The following GRIN3A variants were observed in gnomAD, a reference collection of about 807,000 sequenced individuals.
The protein encoded by GRIN3A is glutamate ionotropic receptor NMDA type subunit 3A.
A neutral mutation model predicts 92.4 loss-of-function variants in GRIN3A; 47 were observed. That is an observed-to-expected ratio of 0.51 (90% CI 0.40 to 0.65). The LOEUF (loss-of-function observed/expected upper bound fraction) is 0.65, where lower values mean the gene tolerates loss of function less well. Ranked by LOEUF, GRIN3A falls within the 30% of genes least tolerant of loss-of-function variation. The pLI is 0.00. For synonymous variants in GRIN3A, 527 were observed against 540.6 expected (o/e 0.97, Z 0.35); for missense variants, 1,324 against 1,393.1 (o/e 0.95, Z 0.79).
chr9:101,669,989 C>T (rs886399474), intron 3 of GRIN3A, 71 bp downstream of exon 3: 2 of 1,162,364 alleles, frequency 1.7e-6, no homozygotes, highest in African/African-American at 3.0e-5. Flanking sequence ...CATGAGCATA[C>T]TACAGCAGAA....
intron 1 of GRIN3A, among the ~76,000 whole-genome samples, chr9:101,692,653 A>T (rs898837352): frequency 6.6e-6 from 1 of 152,174 alleles, no homozygotes; most frequent in African/African-American, 2.4e-5. Flanking sequence ...CCTTCCTTTC[A>T]TCCGTCTGCT....
chr9:101,736,205 C>G (rs2119050934), intron 1 of GRIN3A, among the ~76,000 whole-genome samples: 1 of 152,310 alleles, frequency 6.6e-6, no homozygotes, highest in Non-Finnish European at 1.5e-5. Flanking sequence ...AGTACACTGA[C>G]CAATGTTGAT....
intron 6 of GRIN3A, among the ~76,000 whole-genome samples, chr9:101,579,703 C>G (rs1827866366): frequency 6.6e-6 from 1 of 152,198 alleles, no homozygotes; most frequent in Non-Finnish European, 1.5e-5. Context: ...GGAGGTCTGT[C>G]ATGCCTCAGT....
At chr9:101,594,752 C>T (rs1436991419) in intron 6 of GRIN3A, 2 of 1,614,124 alleles carry the variant, frequency 1.2e-6, no homozygotes, top group East Asian at 2.2e-5. Context: ...GTCGATCACT[C>T]GCCGCACCAA....
intron 1 of GRIN3A, among the ~76,000 whole-genome samples, chr9:101,692,919 T>C (rs966261062): frequency 6.6e-6 from 1 of 152,142 alleles, no homozygotes; most frequent in Non-Finnish European, 1.5e-5. Context: ...GCCCAGAAAT[T>C]GTAATTTAAT....
intron 6 of GRIN3A, among the ~76,000 whole-genome samples, chr9:101,587,306 T>C (rs1238034879): frequency 2.3e-5 from 3 of 131,676 alleles, no homozygotes; most frequent in Non-Finnish European, 4.8e-5. Flanking sequence ...CGAGACTCCA[T>C]CTCAAAAAAA....
chr9:101,644,861 T>A (rs1487650088), intron 3 of GRIN3A, among the ~76,000 whole-genome samples: 1 of 151,908 alleles, frequency 6.6e-6, no homozygotes, highest in African/African-American at 2.4e-5. Flanking sequence ...ATGTCCCTTT[T>A]CCCTCTATTT....
intron 1 of GRIN3A, among the ~76,000 whole-genome samples, chr9:101,723,288 G>A (rs919812658): frequency 1.2e-4 from 18 of 151,996 alleles, no homozygotes; most frequent in African/African-American, 2.4e-4. Context: ...TCATGGTCTC[G>A]CTGGCTCGGG....
intron 6 of GRIN3A, among the ~76,000 whole-genome samples, chr9:101,602,662 T>C (rs1221791816): frequency 6.6e-6 from 1 of 152,222 alleles, no homozygotes; most frequent in Non-Finnish European, 1.5e-5. Context: ...TTGGGTGTAA[T>C]TTATGCCCAA....
At chr9:101,656,449 C>T (rs10819966) in intron 3 of GRIN3A, among the ~76,000 whole-genome samples, 82,542 of 151,446 alleles carry the variant, frequency 0.55, 22,509 homozygotes, top group African/African-American at 0.58. Flanking sequence ...AATTATTAGA[C>T]GTAGTCCTAG....
rs751042416 is a variant in GRIN3A, at chr9:101,686,841, A to G, written c.1059T>C (p.Arg353=). ...CATTCTGGGAATCTCCCAGCACCCA[A>G]CGAAGTTCAGGGGGCATGACCCCAA... ...TQFGVMPPEL[R]WVLGDSQNVE... is the part of the protein sequence containing the mutation. Residue 353 remains arginine (R), a synonymous_variant, in exon 2 of 9, where the codon CGT becomes CGC. Transcript: ENST00000361820. 9 of 1,614,162 alleles carry G rather than the reference A, an allele frequency of 5.6e-6. No individual in the cohort carries two copies. The highest frequency in any genetic ancestry group is 4.4e-5 in the South Asian group (4 of 91,080).
Position 101,613,487 on chromosome 9 carries a change from G to A in GRIN3A, c.2655C>T (p.Ala885=), listed in dbSNP as rs753248003. The change falls in exon 6 of 9, where the codon GCC becomes GCT. Residue 885 remains alanine (A), a synonymous_variant. Transcript: ENST00000361820. The part of the protein sequence containing the change: ...IGLPPNSPLT[A]NISELISQYK... ...ATTGACTGATTAGCTCGGATATGTT[G>A]GCGGTCAATGGAGAGTTGGGTGGGA... 6 of 1,614,132 alleles carry A rather than the reference G, an allele frequency of 3.7e-6. No individual in the cohort carries two copies. In the Admixed American group the frequency reaches 6.7e-5, roughly 18 times the overall value.
Position 101,573,396 on chromosome 9 carries a change from G to C in GRIN3A, c.3126C>G (p.Ile1042Met). 2 of 1,614,084 alleles carry C rather than the reference G, an allele frequency of 1.2e-6. No individual in the cohort carries two copies. The highest frequency in any genetic ancestry group is 1.7e-6 in the Non-Finnish European group (2 of 1,179,984). Residue 1042 changes from isoleucine to methionine, a missense_variant, in exon 9 of 9, where the codon ATC becomes ATG. By Grantham distance (10) the Ile-to-Met change is conservative. Coordinates refer to ENST00000361820, the MANE Select transcript of GRIN3A (RefSeq NM_133445.3). ...EEGQNQLGIR[I>M]HQDIPLPPRR... ...TTGGAGGGAGGGGGATGTCCTGGTG[G>C]ATCCGGATGCCCAGCTGGTTTTGTC...
intron 1 of GRIN3A, among the ~76,000 whole-genome samples, chr9:101,701,443 C>A (rs1829751138): frequency 1.3e-5 from 2 of 152,020 alleles, no homozygotes; most frequent in Admixed American, 1.3e-4. Context: ...ATTTAGCTCC[C>A]ACTTGTAAGT....
At chr9:101,627,319 T>C (rs1035779854) in intron 4 of GRIN3A, among the ~76,000 whole-genome samples, 7 of 152,222 alleles carry the variant, frequency 4.6e-5, no homozygotes, top group African/African-American at 1.2e-4. Flanking sequence ...TAAAAGTCCA[T>C]AAAATTTTTT....
At chr9:101,641,940 A>G (rs1370038600) in intron 3 of GRIN3A, among the ~76,000 whole-genome samples, 2 of 152,176 alleles carry the variant, frequency 1.3e-5, no homozygotes, top group Non-Finnish European at 2.9e-5. Flanking sequence ...GATAATCATC[A>G]TCTGTTACAG....
chr9:101,679,526 TGAC>T (rs1829442143), intron 2 of GRIN3A, among the ~76,000 whole-genome samples: 1 of 152,180 alleles, frequency 6.6e-6, no homozygotes, highest in Non-Finnish European at 1.5e-5. Flanking sequence ...ATGACTTAAG[TGAC>T]CTGGAGTAGA....
At chr9:101,638,297 T>C (rs1330011990) in intron 3 of GRIN3A, among the ~76,000 whole-genome samples, 2 of 152,228 alleles carry the variant, frequency 1.3e-5, no homozygotes, top group African/African-American at 2.4e-5. Flanking sequence ...TCATTGCTAT[T>C]CTGCTGCAAA....
chr9:101,604,061 G>C (rs935558000), intron 6 of GRIN3A, among the ~76,000 whole-genome samples: 1 of 152,208 alleles, frequency 6.6e-6, no homozygotes, highest in Admixed American at 6.5e-5. Flanking sequence ...CTGCCTGTGA[G>C]CTCTGTATTC....
Sources: allele counts gnomAD v4.1 joint callset (sites outside exome capture counted in the v4.1 genomes callset), GRCh38; gene constraint gnomAD v4.1.1; transcripts MANE v1.5; gene names NCBI Gene and HGNC (gene_info 2026-07-23, HGNC 2026-07-21).